The following STPG2 variants were observed in gnomAD, a reference collection of about 807,000 sequenced individuals.
STPG2 encodes the protein sperm-tail PG-rich repeat-containing protein 2.
In STPG2, 56 loss-of-function variants were observed where a neutral mutation model predicts 54.2. The observed-to-expected ratio is 1.03, with a 90% CI of 0.83 to 1.29. The LOEUF (loss-of-function observed/expected upper bound fraction) is 1.29. STPG2 is among the 50% of genes most tolerant of loss of function. The probability of loss-of-function intolerance (pLI) is 0.00; values close to 1 mark genes in which losing one functional copy is unlikely to be tolerated. For synonymous variants in STPG2, 200 were observed against 181.8 expected (o/e 1.10, Z -0.81); for missense variants, 596 against 544.9 (o/e 1.09, Z -0.93).
chr4:97,888,670 T>C lies in STPG2; in HGVS notation c.1045-47738A>G, dbSNP rs2149172584. ...GTGTACTTTTGAGTCAATGCTGAAA[T>C]GATTTAAGACTTTGGGAAACTGTTA... On this transcript the variant is annotated intron_variant, in intron 8 of 10. Transcript: ENST00000295268. 1.3e-5 allele frequency among the ~76,000 whole-genome samples: 2 copies of C among 152,248 alleles called. 1 individual carries two copies. Among genetic ancestry groups the C allele is most frequent in the South Asian group, 4.2e-4 (2 of 4,818 alleles).
chr4:97,696,794 A>T (rs776786487), intron 10 of STPG2, among the ~76,000 whole-genome samples: 2 of 152,192 alleles, frequency 1.3e-5, no homozygotes, highest in Non-Finnish European at 2.9e-5. Context: ...CAACATCACT[A>T]ATTATCAGGG....
chr4:97,583,456 T>G (rs1176542116), intron 10 of STPG2, among the ~76,000 whole-genome samples: 1 of 151,942 alleles, frequency 6.6e-6, no homozygotes, highest in African/African-American at 2.4e-5. Flanking sequence ...CTTTACAAAT[T>G]TGGAAAATAT....
At position 98,105,699 on chromosome 4, in the gene STPG2, C is replaced by T. The variant is rs948483715; in HGVS notation, c.612+254G>A. Among the ~76,000 whole-genome samples, 3 of 151,968 alleles carry T rather than the reference C, an allele frequency of 2.0e-5. No homozygotes were observed. In the East Asian group the frequency reaches 5.8e-4, roughly 29 times the overall value. On this transcript the variant is annotated intron_variant, in intron 5 of 10. Coordinates refer to ENST00000295268, the MANE Select transcript of STPG2 (RefSeq NM_174952.3). ...AATTCACAGGGATTTTTGTGTTCTA[C>T]CCTTTGTTTCATTTTTCTTGCATTT...
chr4:97,526,595 G>A (rs997909058), intron 4 of STPG2, among the ~76,000 whole-genome samples: 2 of 151,920 alleles, frequency 1.3e-5, no homozygotes, highest in East Asian at 1.9e-4. Flanking sequence ...GATGGGTAGA[G>A]TGCAAAAATT....
At chr4:97,574,634 C>T (rs550899790) in intron 10 of STPG2, among the ~76,000 whole-genome samples, 3 of 152,008 alleles carry the variant, frequency 2.0e-5, no homozygotes, top group Non-Finnish European at 2.9e-5. Flanking sequence ...AGAGAGTAAC[C>T]GTCCCAGGTT....
In STPG2 at chr4:97,641,449, C is replaced by A. The variant is rs145692823; in HGVS notation, c.1320+71250G>T. Among the ~76,000 whole-genome samples the A allele has an allele frequency of 5.9e-5, 9 of 151,542 alleles. No individual in the cohort carries two copies. In the East Asian group the frequency reaches 1.7e-3, roughly 29 times the overall value. ...TCATGCATATATATAAACATACCCA[C>A]ACAGACATATATGAACATTCATATC... On this transcript the variant is annotated intron_variant, in intron 10 of 10. Transcript: ENST00000295268.
Position 97,672,075 on chromosome 4 carries a change from C to CA in STPG2, c.1320+40623dup, listed in dbSNP as rs369171961. 3.0e-3 allele frequency among the ~76,000 whole-genome samples: 416 copies of CA among 139,034 alleles called. 3 individuals are homozygous for CA. Among genetic ancestry groups the CA allele is most frequent in the African/African-American group, 0.011 (402 of 37,574 alleles). The allele number at this position is 139,034 out of a possible 152,430, so 91.2% of individuals were successfully genotyped here. The stretch of plus-strand genomic sequence containing the variant: ...GTATTTTCAATTATTTTGATTGTCA[C>CA]AAAAAAAATTAAACAGAAGGTTTTC... On this transcript the variant is annotated intron_variant, in intron 10 of 10. Coordinates refer to ENST00000295268, the MANE Select transcript of STPG2 (RefSeq NM_174952.3).
At chr4:97,993,014 T>C (rs113365926) in intron 5 of STPG2, among the ~76,000 whole-genome samples, 1,786 of 152,262 alleles carry the variant, frequency 0.012, 30 homozygotes, top group African/African-American at 0.041. Context: ...TATATGATAA[T>C]GTCATCAGCA....
rs537927772 is a variant in STPG2, at chr4:97,448,917, T to C, written c.463-261084A>G. Among the ~76,000 whole-genome samples the C allele has an allele frequency of 1.1e-3, 164 of 152,238 alleles. 1 individual carries two copies. Among genetic ancestry groups the C allele is most frequent in the African/African-American group, 3.9e-3 (162 of 41,550 alleles). ...AGGATATTAAAAAAAGAATAGCATATTTTAATTGTATCATTTATAAACTTT... is the reference window on the plus strand; with the variant it reads ...AGGATATTAAAAAAAGAATAGCATACTTTAATTGTATCATTTATAAACTTT... On this transcript the variant is annotated intron_variant, in intron 4 of 4. Transcript: ENST00000522676.
chr4:97,995,994 T>G (rs1485550804), intron 5 of STPG2, among the ~76,000 whole-genome samples: 1 of 152,216 alleles, frequency 6.6e-6, no homozygotes, highest in Non-Finnish European at 1.5e-5. Context: ...TCAATATTGT[T>G]AAAATAGCCA....
intron 4 of STPG2, among the ~76,000 whole-genome samples, chr4:97,443,814 T>G (rs1032068215): frequency 1.3e-5 from 2 of 152,152 alleles, no homozygotes; most frequent in African/African-American, 4.8e-5. Flanking sequence ...TCAAACTTAC[T>G]AGGCATGTCA....
At chr4:97,469,226 C>A (rs1729865541) in intron 4 of STPG2, among the ~76,000 whole-genome samples, 1 of 152,012 alleles carries the variant, frequency 6.6e-6, no homozygotes, top group African/African-American at 2.4e-5. Flanking sequence ...AAAATAACAA[C>A]CCAGTGACAT....
chr4:97,889,236 T>A (rs1730682403), intron 8 of STPG2, among the ~76,000 whole-genome samples: 1 of 152,168 alleles, frequency 6.6e-6, no homozygotes, highest in Non-Finnish European at 1.5e-5. Context: ...GGATGTAAAT[T>A]AGTATAGCAA....
At chr4:98,009,119 T>C (rs887856229) in intron 5 of STPG2, among the ~76,000 whole-genome samples, 2 of 152,150 alleles carry the variant, frequency 1.3e-5, no homozygotes, top group Middle Eastern at 3.4e-3. Flanking sequence ...AATTTTCTAG[T>C]CTCTATTTCA....
chr4:98,013,580 C>CTTTTTTTTT (rs34198207), intron 5 of STPG2, among the ~76,000 whole-genome samples: 13 of 74,602 alleles, frequency 1.7e-4, no homozygotes, highest in African/African-American at 2.6e-4. Flanking sequence ...TGGTCCTGGG[C>CTTTTTTTTT]TTTTTTTTTT....
At chr4:97,953,580 G>C in intron 7 of STPG2, among the ~76,000 whole-genome samples, 1 of 152,172 alleles carries the variant, frequency 6.6e-6, no homozygotes, top group East Asian at 1.9e-4. Context: ...GGCTTCCCTT[G>C]GTTCACACTG....
At chr4:98,073,134 T>C (rs533175729) in intron 5 of STPG2, among the ~76,000 whole-genome samples, 1 of 152,296 alleles carries the variant, frequency 6.6e-6, no homozygotes, top group South Asian at 2.1e-4. Flanking sequence ...TCTTGCTATG[T>C]TTCACATAGT....
chr4:97,678,385 A>C (rs1037743442), intron 10 of STPG2, among the ~76,000 whole-genome samples: 31 of 96,676 alleles, frequency 3.2e-4, no homozygotes, highest in Non-Finnish European at 5.6e-4. Context: ...ATTCATATGT[A>C]AGTACAATCA....
At chr4:97,488,967 C>A (rs953593980) in intron 4 of STPG2, among the ~76,000 whole-genome samples, 4 of 151,678 alleles carry the variant, frequency 2.6e-5, no homozygotes, top group African/African-American at 9.7e-5. Flanking sequence ...CAAATCTCAT[C>A]TTGAATTGTA....
Sources: allele counts gnomAD v4.1 joint callset (sites outside exome capture counted in the v4.1 genomes callset), GRCh38; gene constraint gnomAD v4.1.1; transcripts MANE v1.5; gene names NCBI Gene and HGNC (gene_info 2026-07-23, HGNC 2026-07-21).